Variants in RAF1 observed in about 807,000 individuals in gnomAD.
RAF1 encodes Raf-1 proto-oncogene, serine/threonine kinase.
Under a neutral mutation model 81.1 loss-of-function variants are expected in RAF1, and 27 were observed. That is an observed-to-expected ratio of 0.33 (90% confidence interval 0.25 to 0.46). The LOEUF (loss-of-function observed/expected upper bound fraction) is 0.46. RAF1 is among the 20% of genes least tolerant of loss of function. The pLI is 1.00. For missense variants in RAF1, 598 were observed against 826.0 expected (o/e 0.72, Z 3.38); for synonymous variants, 298 against 294.0 (o/e 1.01, Z -0.14).
chr3:12,604,972 A>AG (rs1158862151), intron 6 of RAF1, among the ~76,000 whole-genome samples: 1 of 152,194 alleles, frequency 6.6e-6, no homozygotes, highest in African/African-American at 2.4e-5. Context: ...TATGAATTAA[A>AG]GGGAAAAAGG....
chr3:12,586,059 C>T (rs2058324082), intron 14 of RAF1, among the ~76,000 whole-genome samples: 1 of 152,248 alleles, frequency 6.6e-6, no homozygotes, highest in African/African-American at 2.4e-5. Flanking sequence ...CCTGCTTCTT[C>T]TCCCCATTTG....
chr3:12,656,461 G>C (rs999825780), intron 1 of RAF1, among the ~76,000 whole-genome samples: 1 of 152,116 alleles, frequency 6.6e-6, no homozygotes, highest in Non-Finnish European at 1.5e-5. Context: ...CAGGTCCTAA[G>C]TTACAAAGTT....
At chr3:12,618,791 T>G in intron 1 of RAF1, 44 bp from the exon 2 acceptor site, 1 of 1,487,890 alleles carries the variant, frequency 6.7e-7, no homozygotes, top group East Asian at 2.3e-5. Flanking sequence ...ACAAAAGTAT[T>G]CAACCCAAGA....
chr3:12,625,944 C>T (rs1361357098), intron 1 of RAF1, among the ~76,000 whole-genome samples: 1 of 151,706 alleles, frequency 6.6e-6, no homozygotes, highest in African/African-American at 2.4e-5. Flanking sequence ...CGAAAGTAAA[C>T]CATACTGCAG....
chr3:12,611,321 A>G (rs1447189707), intron 3 of RAF1, among the ~76,000 whole-genome samples: 1 of 151,978 alleles, frequency 6.6e-6, no homozygotes, highest in African/African-American at 2.4e-5. Context: ...GGGGTCATGC[A>G]ATATTCTCAC....
At chr3:12,602,703 T>G (rs895413191) in intron 8 of RAF1, among the ~76,000 whole-genome samples, 1 of 152,192 alleles carries the variant, frequency 6.6e-6, no homozygotes, top group African/African-American at 2.4e-5. Flanking sequence ...TATATTATTG[T>G]ATTATCAGGA....
intron 13 of RAF1, chr3:12,588,571 A>G (rs2058404370): frequency 1.3e-5 from 2 of 152,356 alleles, no homozygotes; most frequent in East Asian, 3.9e-4. Flanking sequence ...CAAACATAGA[A>G]AAGGCACAGT....
At chr3:12,600,776 C>T (rs1366183464) in intron 8 of RAF1, among the ~76,000 whole-genome samples, 2 of 152,182 alleles carry the variant, frequency 1.3e-5, no homozygotes, top group African/African-American at 4.8e-5. Context: ...TGGCCAGGCT[C>T]GTCTTGAACT....
intron 1 of RAF1, among the ~76,000 whole-genome samples, chr3:12,634,151 C>CT (rs750715384): frequency 1.8e-5 from 1 of 55,548 alleles, no homozygotes; most frequent in African/African-American, 1.2e-4. Flanking sequence ...ATTCCTTTCT[C>CT]TCTTTTTTTT....
intron 1 of RAF1, among the ~76,000 whole-genome samples, chr3:12,653,405 C>A (rs1288974578): frequency 6.6e-6 from 1 of 152,078 alleles, no homozygotes; most frequent in African/African-American, 2.4e-5. Flanking sequence ...GCCTTGTGTC[C>A]CTCTGAGCAG....
In RAF1 at chr3:12,614,171, A is replaced by AG. The variant is rs1325891897; in HGVS notation, c.208-2110dup. 2.0e-5 allele frequency among the ~76,000 whole-genome samples: 3 copies of AG among 152,356 alleles called. No homozygotes were observed. The East Asian group carries it at 5.8e-4, about 29-fold the overall frequency. ...GGAAAAGAAATGGGGATACAGGGGC[A>AG]GGGGTCACCCAAGACTTTTGGCTCA... On this transcript the variant is annotated intron_variant, in intron 2 of 17. Coordinates refer to ENST00000442415, the MANE Select transcript of RAF1 (RefSeq NM_001354689.3).
At chr3:12,605,189 G>A (rs2058984770) in intron 6 of RAF1, among the ~76,000 whole-genome samples, 2 of 151,352 alleles carry the variant, frequency 1.3e-5, no homozygotes, top group African/African-American at 2.4e-5. Context: ...CTTATTCTAA[G>A]ATATGCTGCG....
At chr3:12,649,784 G>C (rs1429719280) in intron 1 of RAF1, among the ~76,000 whole-genome samples, 1 of 152,122 alleles carries the variant, frequency 6.6e-6, no homozygotes, top group African/African-American at 2.4e-5. Context: ...AGGAGTGCTT[G>C]AGCCCAGGAA....
chr3:12,662,925 G>A (rs1242109871), intron 1 of RAF1, among the ~76,000 whole-genome samples: 1 of 151,980 alleles, frequency 6.6e-6, no homozygotes, highest in African/African-American at 2.4e-5. Context: ...AAGCAGAAAC[G>A]CTCAATGAAC....
At chr3:12,598,199 T>G (rs2058742636) in intron 11 of RAF1, among the ~76,000 whole-genome samples, 1 of 151,660 alleles carries the variant, frequency 6.6e-6, no homozygotes, top group African/African-American at 2.4e-5. Context: ...TTGGTAGAGA[T>G]GGGGTTTCAC....
intron 1 of RAF1, among the ~76,000 whole-genome samples, chr3:12,623,797 CAAA>C (rs71063844): frequency 2.6e-4 from 32 of 121,682 alleles, no homozygotes; most frequent in African/African-American, 9.8e-4. Flanking sequence ...GACTCTGTCT[CAAA>C]AAAAAAAAAA....
chr3:12,607,247 C>T (rs1469789690), intron 5 of RAF1, among the ~76,000 whole-genome samples: 1 of 152,264 alleles, frequency 6.6e-6, no homozygotes, highest in Admixed American at 6.5e-5. Context: ...CTCATAAGAA[C>T]AATGCAAGGA....
intron 1 of RAF1, among the ~76,000 whole-genome samples, chr3:12,619,954 C>T (rs1410065337): frequency 6.6e-6 from 1 of 151,672 alleles, no homozygotes. Flanking sequence ...TGGTGGCGGG[C>T]GCCTGTAGTC....
chr3:12,591,834 C>T (rs745828365), intron 11 of RAF1, 42 bp from the exon 11 acceptor site: 26 of 1,397,580 alleles, frequency 1.9e-5, no homozygotes, highest in Non-Finnish European at 2.6e-5. Context: ...GTTGAATGAT[C>T]TCAGTCTTTC....
Sources: allele counts gnomAD v4.1 joint callset (sites outside exome capture counted in the v4.1 genomes callset), GRCh38; gene constraint gnomAD v4.1.1; transcripts MANE v1.5; gene names NCBI Gene and HGNC (gene_info 2026-07-23, HGNC 2026-07-21).